Variants in C2CD3 observed in about 807,000 individuals in gnomAD.
C2CD3 encodes C2 domain containing 3 centriole elongation regulator.
In C2CD3, 148 loss-of-function variants were observed where a neutral mutation model predicts 234.0. That is an observed-to-expected ratio of 0.63 (90% CI 0.55 to 0.72). The LOEUF is 0.72. Among genes scored for constraint, C2CD3 ranks in the 30% least tolerant of loss-of-function variants. C2CD3 has a pLI of 0.00. For missense variants in C2CD3, 2,577 were observed against 2,811.5 expected, an observed-to-expected ratio of 0.92 and a Z score of 1.89; for synonymous variants, 1,000 against 1,035.4, an observed-to-expected ratio of 0.97 and a Z score of 0.66.
chr11:74,128,067 G>T (rs1257232661), intron 7 of C2CD3, among the ~76,000 whole-genome samples: 2 of 152,084 alleles, frequency 1.3e-5, no homozygotes, highest in Non-Finnish European at 2.9e-5. Flanking sequence ...GTTTCACTGT[G>T]TTAGCCAGGA....
At chr11:74,120,598 G>A (rs1957179438) in intron 8 of C2CD3, among the ~76,000 whole-genome samples, 2 of 152,192 alleles carry the variant, frequency 1.3e-5, no homozygotes, top group South Asian at 2.1e-4. Context: ...ATGTGTGCAT[G>A]TGTCTTTATG....
intron 11 of C2CD3, chr11:74,113,454 G>A (rs190959650): frequency 3.3e-4 from 98 of 296,552 alleles, no homozygotes; most frequent in African/African-American, 1.0e-3. Context: ...CGAGGCAGGC[G>A]GATCACTTAA....
chr11:74,115,290 A>C (rs1292309351), intron 9 of C2CD3, among the ~76,000 whole-genome samples: 3 of 152,018 alleles, frequency 2.0e-5, no homozygotes, highest in African/African-American at 7.2e-5. Flanking sequence ...TACATTATAC[A>C]ATACATATGA....
At position 74,085,866 on chromosome 11, in the gene C2CD3, G is replaced by A. The variant is rs776351303; in HGVS notation, c.3662C>T (p.Pro1221Leu). The A allele has an allele frequency of 1.2e-6, 2 of 1,613,224 alleles. No individual in the cohort carries two copies. The highest frequency in any genetic ancestry group is 1.7e-6 in the Non-Finnish European group (2 of 1,179,404). Residue 1221 changes from proline (P) to leucine (L), a missense_variant, in exon 21 of 33, where the codon CCC becomes CTC. Coordinates refer to ENST00000334126, the MANE Select transcript of C2CD3 (RefSeq NM_001286577.2). ...GACTGTGGCACTAAACTGTAGAGCGGGTTCCCGTTCAGCCAAAGCCCTGTA... is the reference window on the plus strand; with the variant it reads ...GACTGTGGCACTAAACTGTAGAGCGAGTTCCCGTTCAGCCAAAGCCCTGTA... ...AAAKALAEREPALQFSATVGV... is the reference protein window; with the variant it reads ...AAAKALAERELALQFSATVGV...
intron 3 of C2CD3, among the ~76,000 whole-genome samples, chr11:74,150,981 A>G (rs1256584354): frequency 6.6e-6 from 1 of 151,344 alleles, no homozygotes; most frequent in Non-Finnish European, 1.5e-5. Flanking sequence ...GGAGTAGTGC[A>G]ATGGCACAAT....
intron 17 of C2CD3, among the ~76,000 whole-genome samples, 160 bp downstream of exon 17, chr11:74,095,068 T>C (rs1956057479): frequency 6.6e-6 from 1 of 151,796 alleles, no homozygotes; most frequent in Non-Finnish European, 1.5e-5. Flanking sequence ...GCTACAAAAA[T>C]AGTTAAAAAA....
chr11:74,122,882 T>C, intron 8 of C2CD3, 106 bp downstream of exon 8: 1 of 791,314 alleles, frequency 1.3e-6, no homozygotes, highest in South Asian at 1.8e-5. Flanking sequence ...TCATTAAAAT[T>C]AAGTAAGGTA....
chr11:74,120,323 C>T (rs894548031), intron 8 of C2CD3, among the ~76,000 whole-genome samples: 6 of 152,024 alleles, frequency 3.9e-5, no homozygotes, highest in Admixed American at 6.6e-5. Flanking sequence ...TTCCCCGCCC[C>T]GTGTCTAAGT....
intron 3 of C2CD3, among the ~76,000 whole-genome samples, chr11:74,146,065 C>T (rs1855164971): frequency 1.3e-5 from 2 of 152,110 alleles, no homozygotes; most frequent in African/African-American, 4.8e-5. Context: ...TATGATGGGC[C>T]TGTAGAACAG....
chr11:74,128,099 G>A (rs772878371), intron 7 of C2CD3, among the ~76,000 whole-genome samples: 7 of 152,132 alleles, frequency 4.6e-5, no homozygotes, highest in Non-Finnish European at 8.8e-5. Flanking sequence ...TCCTGACCTC[G>A]TGATCCGCCT....
At chr11:74,132,771 G>A in intron 7 of C2CD3, 73 bp downstream of exon 7, 2 of 1,428,716 alleles carry the variant, frequency 1.4e-6, no homozygotes, top group Non-Finnish European at 9.7e-7. Flanking sequence ...TTAGGAAGAT[G>A]AATCTGATAA....
rs113850562 is a variant in C2CD3, at chr11:74,034,794, G to A, written c.5882-516C>T. Among the ~76,000 whole-genome samples, 683 of 152,334 alleles carry A rather than the reference G, an allele frequency of 4.5e-3. 3 individuals carry two copies. The highest frequency in any genetic ancestry group is 0.034 in the Middle Eastern group (10 of 294). On this transcript the variant is annotated intron_variant, in intron 30 of 32. Coordinates refer to ENST00000334126, the MANE Select transcript of C2CD3 (RefSeq NM_001286577.2). ...GGAAAGAGCATAGGCTTTGGAGCCG[G>A]TCAATCTTGGGTTCGAATCTCTGTT...
At chr11:74,147,886 A>AT (rs981173397) in intron 3 of C2CD3, among the ~76,000 whole-genome samples, 31 of 152,168 alleles carry the variant, frequency 2.0e-4, no homozygotes, top group African/African-American at 6.7e-4. Context: ...ACCCAAAAAG[A>AT]TTTTTTTTGG....
intron 22 of C2CD3, among the ~76,000 whole-genome samples, chr11:74,084,655 TATGAA>T (rs1382937153): frequency 6.6e-6 from 1 of 152,124 alleles, no homozygotes; most frequent in Non-Finnish European, 1.5e-5. Flanking sequence ...CATTTTATTT[TATGAA>T]ATGAAGTATT....
chr11:74,013,488 CT>C lies in C2CD3; in HGVS notation c.6958del (p.Arg2320GlyfsTer38). On this transcript the variant is annotated frameshift_variant, in exon 33 of 33. Coordinates refer to ENST00000334126, the MANE Select transcript of C2CD3 (RefSeq NM_001286577.2). LOFTEE classifies it high-confidence loss of function. ...SEATRGALSQ[R>X]PCRPRPNSLP... ...CGAGTTAGGTCTGGGGCGACAAGGC[CT>C]TTGGGAGAGAGCTCCCCTGGTGGCT... is the stretch of plus-strand genomic sequence containing the variant. 1 of 1,398,898 alleles carries C rather than the reference CT, an allele frequency of 7.1e-7. No homozygotes were observed. Among genetic ancestry groups the C allele is most frequent in the South Asian group, 1.6e-5 (1 of 61,586 alleles). The allele number at this position is 1,398,898 out of a possible 1,614,324, so 86.7% of individuals were successfully genotyped here. A position where few individuals can be genotyped will look rare whatever the true frequency, so the allele number is the denominator to read the frequency against.
At chr11:74,083,561 T>C (rs1235894928) in intron 22 of C2CD3, among the ~76,000 whole-genome samples, 1 of 152,052 alleles carries the variant, frequency 6.6e-6, no homozygotes, top group African/African-American at 2.4e-5. Flanking sequence ...AGGGCTAATA[T>C]CCAGAATCTA....
At chr11:74,139,472 C>T in intron 4 of C2CD3, 133 bp downstream of exon 4, 1 of 748,818 alleles carries the variant, frequency 1.3e-6, no homozygotes, top group Non-Finnish European at 2.4e-6. Flanking sequence ...GTGGGTGCTT[C>T]ACAGTTATCT....
chr11:74,053,233 C>A (rs1953777438), intron 26 of C2CD3, among the ~76,000 whole-genome samples: 1 of 152,126 alleles, frequency 6.6e-6, no homozygotes, highest in Non-Finnish European at 1.5e-5. Context: ...TTTATTTTTA[C>A]CGTCAAGAAT....
At chr11:74,157,264 G>C (rs1856096260) in intron 3 of C2CD3, among the ~76,000 whole-genome samples, 1 of 152,102 alleles carries the variant, frequency 6.6e-6, no homozygotes, top group South Asian at 2.1e-4. Context: ...GAAGCATATA[G>C]CTTCCTTCTC....
Sources: gnomAD v4.1 joint callset for allele counts (sites outside exome capture counted in the v4.1 genomes callset) on GRCh38, gnomAD v4.1.1 for gene constraint, MANE v1.5 for transcripts, NCBI Gene and HGNC (gene_info 2026-07-23, HGNC 2026-07-21) for gene names.